TCF12: variants seen among roughly 807,000 people sequenced by gnomAD.
TCF12 encodes DNA-binding protein HTF4.
Under a neutral mutation model 86.0 loss-of-function variants are expected in TCF12, and 45 were observed. The observed-to-expected ratio is 0.52, with a 90% CI of 0.41 to 0.67. The LOEUF is 0.67. Ranked by LOEUF, TCF12 falls within the 30% of genes least tolerant of loss-of-function variation. The pLI, the probability that TCF12 is intolerant of heterozygous loss-of-function variation, is 0.00. For missense variants in TCF12, 881 were observed against 859.9 expected (o/e 1.02, Z -0.31); for synonymous variants, 330 against 299.6 (o/e 1.10, Z -1.05).
intron 5 of TCF12, among the ~76,000 whole-genome samples, chr15:57,130,905 T>C (rs2052062499): frequency 6.6e-6 from 1 of 152,186 alleles, no homozygotes. Context: ...GGTCCAAAAG[T>C]CACAAAATTG....
chr15:57,101,958 A>T (rs1417285696), intron 5 of TCF12, among the ~76,000 whole-genome samples: 2 of 152,234 alleles, frequency 1.3e-5, no homozygotes, highest in Non-Finnish European at 2.9e-5. Context: ...CAAACTACAC[A>T]CAAAGAGCCA....
At chr15:57,232,058 T>G (rs894260805) in intron 9 of TCF12, among the ~76,000 whole-genome samples, 1 of 152,206 alleles carries the variant, frequency 6.6e-6, no homozygotes, top group Non-Finnish European at 1.5e-5. Flanking sequence ...CTGAAGATTT[T>G]TATAATGGCC....
intron 5 of TCF12, among the ~76,000 whole-genome samples, chr15:57,145,597 G>A (rs1596806441): frequency 6.6e-6 from 1 of 151,660 alleles, no homozygotes; most frequent in East Asian, 1.9e-4. Flanking sequence ...CAGATTGATA[G>A]AATCTTAGCT....
chr15:57,201,776 T>A (rs1027299529), intron 8 of TCF12, among the ~76,000 whole-genome samples: 1 of 152,192 alleles, frequency 6.6e-6, no homozygotes, highest in African/African-American at 2.4e-5. Context: ...TACTTCCGTT[T>A]TAGGGTTCTT....
intron 3 of TCF12, among the ~76,000 whole-genome samples, chr15:56,967,404 T>G (rs1035362205): frequency 4.6e-5 from 7 of 152,188 alleles, no homozygotes; most frequent in Non-Finnish European, 1.0e-4. Flanking sequence ...TGGTATTGGA[T>G]GGAACATAAT....
intron 4 of TCF12, among the ~76,000 whole-genome samples, chr15:57,082,358 A>G (rs1214443692): frequency 6.6e-6 from 1 of 152,226 alleles, no homozygotes; most frequent in Non-Finnish European, 1.5e-5. Context: ...AACTAAAAAT[A>G]TATGGTATAT....
intron 4 of TCF12, among the ~76,000 whole-genome samples, chr15:57,064,034 T>TA (rs1236059684): frequency 6.6e-6 from 1 of 152,250 alleles, no homozygotes; most frequent in Non-Finnish European, 1.5e-5. Flanking sequence ...TTCTTGGTGT[T>TA]ACTTGTACAC....
Position 57,278,761 on chromosome 15 carries a change from CTCTCTCCCTA to C in TCF12, c.1979-3683_1979-3674del, listed in dbSNP as rs1283128447. ...TCTCCCTCCCTCCCTCTCTCTCCCT[CTCTCTCCCTA>C]CCTCTCTCTCCCTCCCTCTCTCTCT... is the stretch of plus-strand genomic sequence containing the variant. On this transcript the variant is annotated intron_variant, in intron 19 of 20. Transcript: ENST00000333725. 2.2e-3 allele frequency: 296 copies of C among 133,596 alleles called. 2 individuals carry two copies. Among genetic ancestry groups the C allele is most frequent in the African/African-American group, 8.3e-3 (284 of 34,212 alleles). The allele number at this position is 133,596 out of a possible 1,614,324, so 8.3% of individuals were successfully genotyped here.
chr15:56,973,345 G>C (rs1157128084), intron 3 of TCF12, among the ~76,000 whole-genome samples: 1 of 152,070 alleles, frequency 6.6e-6, no homozygotes, highest in East Asian at 1.9e-4. Flanking sequence ...AGAAAGTCAG[G>C]AGTGCTCAAA....
chr15:57,252,608 T>A (rs1267651170), intron 15 of TCF12, 116 bp downstream of exon 15: 1 of 849,456 alleles, frequency 1.2e-6, no homozygotes. Flanking sequence ...AACAGTTGAC[T>A]GTTTCAGTTT....
intron 3 of TCF12, among the ~76,000 whole-genome samples, chr15:57,045,074 G>A (rs572382481): frequency 2.5e-4 from 38 of 152,290 alleles, no homozygotes; most frequent in Middle Eastern, 3.4e-3. Flanking sequence ...TTTCTGTCAC[G>A]TGTTAATCTT....
chr15:56,954,854 C>T (rs1237736667), intron 3 of TCF12, among the ~76,000 whole-genome samples: 34 of 152,274 alleles, frequency 2.2e-4, no homozygotes, highest in Middle Eastern at 3.4e-3. Context: ...AACTGAGATA[C>T]CATCTCACGC....
intron 5 of TCF12, among the ~76,000 whole-genome samples, chr15:57,164,663 C>A: frequency 6.6e-6 from 1 of 151,958 alleles, no homozygotes; most frequent in East Asian, 1.9e-4. Flanking sequence ...GGTATAGTCA[C>A]AATAAGAATT....
chr15:57,008,189 T>C (rs1196723908), intron 3 of TCF12, among the ~76,000 whole-genome samples: 1 of 151,230 alleles, frequency 6.6e-6, no homozygotes. Context: ...ACTGGTTGTG[T>C]ACTCCTGGCA....
intron 8 of TCF12, among the ~76,000 whole-genome samples, chr15:57,222,111 C>G (rs1339755289): frequency 3.3e-5 from 5 of 151,756 alleles, no homozygotes; most frequent in African/African-American, 1.2e-4. Flanking sequence ...TTTTGAAATA[C>G]TAATAATAAG....
At chr15:57,001,037 G>T (rs2064000890) in intron 3 of TCF12, among the ~76,000 whole-genome samples, 1 of 129,436 alleles carries the variant, frequency 7.7e-6, no homozygotes. Context: ...TTTTTGAGAC[G>T]GAGTCTTGCT....
chr15:57,193,767 G>C (rs1237374543), intron 7 of TCF12, among the ~76,000 whole-genome samples: 3 of 152,066 alleles, frequency 2.0e-5, no homozygotes, highest in African/African-American at 7.2e-5. Context: ...TTTGCTTGTG[G>C]GTATAAAAGG....
At chr15:57,284,749 G>T (rs574800317) in intron 20 of TCF12, among the ~76,000 whole-genome samples, 8 of 152,256 alleles carry the variant, frequency 5.3e-5, no homozygotes, top group African/African-American at 1.7e-4. Context: ...ATTTCCTCTT[G>T]TTTTCTTCTC....
chr15:57,163,142 C>G (rs1362152224), intron 5 of TCF12, among the ~76,000 whole-genome samples: 2 of 151,434 alleles, frequency 1.3e-5, no homozygotes, highest in Non-Finnish European at 2.9e-5. Flanking sequence ...CCATTGCACT[C>G]CAGCCTGGGT....
Sources: gnomAD v4.1 joint callset for allele counts (sites outside exome capture counted in the v4.1 genomes callset) on GRCh38, gnomAD v4.1.1 for gene constraint, MANE v1.5 for transcripts, NCBI Gene and HGNC (gene_info 2026-07-23, HGNC 2026-07-21) for gene names.